The following ZNF185 variants were observed in gnomAD, a reference collection of about 807,000 sequenced individuals.
ZNF185 encodes the protein zinc finger protein 185.
Under a neutral mutation model 58.6 loss-of-function variants are expected in ZNF185, and 56 were observed. That is an observed-to-expected ratio of 0.95 (90% CI 0.77 to 1.19). ZNF185 has a LOEUF of 1.19. ZNF185 is among the 50% of genes most tolerant of loss of function. ZNF185 has a pLI of 0.00. For missense variants in ZNF185, 627 were observed against 573.5 expected (o/e 1.09, Z -0.95); for synonymous variants, 230 against 215.9 (o/e 1.07, Z -0.57).
At chrX:152,932,917 C>T (rs2045866979) in exon 14 of ZNF185, 4 of 1,205,840 alleles carry the variant, frequency 3.3e-6, no homozygotes, top group Admixed American at 2.2e-5. Flanking sequence ...TCCGGAGCCA[C>T]GGGCTCCCGG....
intron 16 of ZNF185, among the ~76,000 whole-genome samples, chrX:152,955,764 CG>C (rs1371585054): frequency 9.0e-6 from 1 of 110,512 alleles, no homozygotes; most frequent in Non-Finnish European, 1.9e-5. Context: ...TAGCCGGGCG[CG>C]GTGGCATGCG....
At chrX:152,953,716 T>C (rs1050707613) in intron 16 of ZNF185, among the ~76,000 whole-genome samples, 6 of 111,060 alleles carry the variant, frequency 5.4e-5, no homozygotes, top group Non-Finnish European at 9.4e-5. Flanking sequence ...AAAACAAATA[T>C]GGATTTAGAT....
intron 11 of ZNF185, among the ~76,000 whole-genome samples, chrX:152,923,950 G>A (rs1390653233): frequency 9.0e-6 from 1 of 111,377 alleles, no homozygotes; most frequent in East Asian, 2.8e-4. Flanking sequence ...ACCCTGGGGC[G>A]CTTAAACCAC....
chrX:152,908,139 T>C, the ZNF185 span, among the ~76,000 whole-genome samples: 1 of 112,300 alleles, frequency 8.9e-6, no homozygotes. Flanking sequence ...TGAGGCCACT[T>C]AGGGAAGAGG....
intron 16 of ZNF185, among the ~76,000 whole-genome samples, chrX:152,958,935 G>A (rs1556907321): frequency 8.9e-6 from 1 of 112,194 alleles, no homozygotes; most frequent in Admixed American, 9.3e-5. Context: ...TGCGCGTGCC[G>A]CCATTTCCTG....
At chrX:152,939,931 T>C (rs782372559) in intron 15 of ZNF185, among the ~76,000 whole-genome samples, 1 of 110,197 alleles carries the variant, frequency 9.1e-6, no homozygotes, top group African/African-American at 3.3e-5. Context: ...TACAGGCACA[T>C]GCCACCACGC....
chrX:152,953,851 C>T (rs1388014971), intron 16 of ZNF185, among the ~76,000 whole-genome samples: 1 of 112,069 alleles, frequency 8.9e-6, no homozygotes, highest in Non-Finnish European at 1.9e-5. Context: ...AGCAATTCTC[C>T]CGCCTCAGCC....
chrX:152,950,805 G>A (rs1216123914), intron 16 of ZNF185, among the ~76,000 whole-genome samples: 2 of 111,961 alleles, frequency 1.8e-5, no homozygotes, highest in East Asian at 5.6e-4. Context: ...TGATTGAATA[G>A]CATTATGGGT....
intron 2 of ZNF185, 83 bp downstream of exon 3, chrX:152,914,916 G>C (rs1461516841): frequency 9.1e-7 from 1 of 1,101,962 alleles, no homozygotes; most frequent in Non-Finnish European, 1.2e-6. Flanking sequence ...GGGATGCGAA[G>C]GGGCTTCCAC....
At chrX:152,906,454 A>C in the ZNF185 span, among the ~76,000 whole-genome samples, 2 of 113,294 alleles carry the variant, frequency 1.8e-5, no homozygotes, top group Non-Finnish European at 3.7e-5. Context: ...GAGGTTTCCT[A>C]AAACATAGCA....
intron 16 of ZNF185, among the ~76,000 whole-genome samples, chrX:152,953,967 C>T (rs2048543410): frequency 9.0e-6 from 1 of 111,297 alleles, no homozygotes; most frequent in South Asian, 3.8e-4. Context: ...TCTTGAACTC[C>T]TGACCCCAAG....
upstream of ZNF185, among the ~76,000 whole-genome samples, chrX:152,913,425 C>T (rs1209436949): frequency 8.9e-6 from 1 of 112,385 alleles, no homozygotes; most frequent in Middle Eastern, 4.2e-3. Flanking sequence ...CAGCTCACCC[C>T]TCATGGGCAC....
At chrX:152,903,269 A>G in the ZNF185 span, among the ~76,000 whole-genome samples, 1 of 107,547 alleles carries the variant, frequency 9.3e-6, no homozygotes, top group South Asian at 4.2e-4. Flanking sequence ...GGCGTCTGTA[A>G]TCCCGGCCAC....
At chrX:152,961,636 G>A (rs1188564448) in intron 17 of ZNF185, among the ~76,000 whole-genome samples, 2 of 112,159 alleles carry the variant, frequency 1.8e-5, no homozygotes, top group Non-Finnish European at 3.8e-5. Context: ...CAGTGAACAC[G>A]ATGGCTAAGG....
chrX:152,954,048 T>C (rs2048556522), intron 16 of ZNF185, among the ~76,000 whole-genome samples: 1 of 111,539 alleles, frequency 9.0e-6, no homozygotes, highest in Non-Finnish European at 1.9e-5. Flanking sequence ...ACCAATACTT[T>C]ATTTAAAAAG....
rs1330040147 is a variant in ZNF185 at position 152,941,676 on chromosome X, C to A, written c.1211+3513C>A. ...GAAGCCCCGAACTCGGTCGCAGTGC[C>A]CGCCGGGAAAATGCGACCGTCCACA... On this transcript the variant is annotated intron_variant, in intron 15 of 22. Coordinates refer to ENST00000449285, the Ensembl canonical transcript of ZNF185. 15 of 1,161,825 alleles carry A rather than the reference C, an allele frequency of 1.3e-5. No individual in the cohort carries two copies. The Admixed American group carries it at 3.9e-4, about 30-fold the overall frequency.
At chrX:152,953,634 G>A (rs2048507479) in intron 16 of ZNF185, among the ~76,000 whole-genome samples, 1 of 112,164 alleles carries the variant, frequency 8.9e-6, no homozygotes, top group Admixed American at 9.4e-5. Context: ...AGGAGTTGAG[G>A]CTGCAGTGAA....
intron 18 of ZNF185, among the ~76,000 whole-genome samples, chrX:152,964,380 A>G (rs1244801216): frequency 1.8e-5 from 2 of 112,653 alleles, no homozygotes; most frequent in African/African-American, 6.4e-5. Context: ...GCATGGCACC[A>G]GCAGCTGCTT....
Position 152,963,988 on chromosome X carries a change from C to T in ZNF185, c.1718+39C>T, listed in dbSNP as rs188687006. 9,175 of 1,144,433 alleles carry T rather than the reference C, an allele frequency of 8.0e-3. 31 individuals carry two copies. The highest frequency in any genetic ancestry group is 9.7e-3 in the Non-Finnish European group (8,081 of 836,247). The allele number at this position is 1,144,433 out of a possible 1,213,427, so 94.3% of individuals were successfully genotyped here. A position where few individuals can be genotyped will look rare whatever the true frequency, so the allele number is the denominator to read the frequency against. On this transcript the variant is annotated intron_variant, in intron 18 of 22. Coordinates refer to ENST00000449285, the Ensembl canonical transcript of ZNF185. ...TCTAGCAACCTGGGAGATGTTCCTC[C>T]GCCACTTCCTCCTTGGCGGTAAAGG... is the stretch of plus-strand genomic sequence containing the variant.
Sources: allele counts gnomAD v4.1 joint callset (sites outside exome capture counted in the v4.1 genomes callset), GRCh38; gene constraint gnomAD v4.1.1; transcripts MANE v1.5; gene names NCBI Gene and HGNC (gene_info 2026-07-23, HGNC 2026-07-21).